The following BDP1 variants were observed in gnomAD, a reference collection of about 807,000 sequenced individuals.
BDP1 encodes BDP1 general transcription factor IIIB subunit.
Under a neutral mutation model 266.6 loss-of-function variants are expected in BDP1, and 169 were observed. The ratio of observed to expected loss-of-function variants is 0.63; its 90% CI spans 0.56 to 0.72. BDP1 has a LOEUF of 0.72. Ranked by LOEUF, BDP1 falls within the 30% of genes least tolerant of loss-of-function variation. The probability of loss-of-function intolerance (pLI) is 0.00; values close to 1 mark genes in which losing one functional copy is unlikely to be tolerated. For missense variants in BDP1, 3,015 were observed against 3,053.8 expected (o/e 0.99, Z 0.30); for synonymous variants, 1,090 against 1,022.4 (o/e 1.07, Z -1.26).
downstream of BDP1, among the ~76,000 whole-genome samples, chr5:71,569,401 A>G (rs1189558701): frequency 6.6e-6 from 1 of 151,988 alleles, no homozygotes; most frequent in African/African-American, 2.4e-5. Flanking sequence ...GCAGTGAGGT[A>G]TGATCGTGCC....
chr5:71,471,739 A>G (rs1407696343), intron 7 of BDP1, among the ~76,000 whole-genome samples: 1 of 152,190 alleles, frequency 6.6e-6, no homozygotes, highest in African/African-American at 2.4e-5. Flanking sequence ...TGCATTCTCA[A>G]TTGATAGTGA....
At chr5:71,464,195 T>C in intron 4 of BDP1, 78 bp downstream of exon 4, 2 of 888,078 alleles carry the variant, frequency 2.3e-6, no homozygotes, top group Non-Finnish European at 1.7e-6. Context: ...CCTGTTATAG[T>C]TGAATTACAT....
intron 26 of BDP1, among the ~76,000 whole-genome samples, chr5:71,536,508 C>T (rs1279727522): frequency 6.6e-6 from 1 of 152,132 alleles, no homozygotes; most frequent in Non-Finnish European, 1.5e-5. Flanking sequence ...GAGCCATGAT[C>T]AAGGAGTGGT....
Position 71,562,195 on chromosome 5 carries a change from CAAAAAAAA to C in BDP1, c.7497-58_7497-51del, listed in dbSNP as rs564127239. 3.6e-3 allele frequency: 1,632 copies of C among 459,062 alleles called. 2 individuals are homozygous for C. The highest frequency in any genetic ancestry group is 0.014 in the Middle Eastern group (15 of 1,082). 28.4% of individuals were successfully genotyped at this position (459,062 alleles called of 1,614,324 possible). A position where few individuals can be genotyped will look rare whatever the true frequency, so the allele number is the denominator to read the frequency against. ...CCTGGGTGAGAGTGAGACTGCGTCT[CAAAAAAAA>C]AAAAAAAAAAAAAAAAAAAAGAATG... On this transcript the variant is annotated intron_variant, in intron 37 of 38. Transcript: ENST00000358731.
In BDP1 at chr5:71,562,507, G is replaced by C. The variant is rs775377656; in HGVS notation, c.7730G>C (p.Ser2577Thr). Reference protein sequence around the residue: ...VITTQSENISSSATQVSCDQP... With the variant: ...VITTQSENISTSATQVSCDQP... ...ACTACTCAATCTGAGAATATTAGCA[G>C]CTCAGCAACTCAGGTATGTGATAAC... The change falls in exon 38 of 39, where the codon AGC (serine) becomes ACC (threonine). Residue 2577 changes from serine to threonine, a missense_variant. By Grantham distance (58) the Ser-to-Thr change is moderately conservative (BLOSUM62 1). Transcript: ENST00000358731. 6.2e-7 allele frequency: 1 copy of C among 1,613,580 alleles called. No individual in the cohort carries two copies. The highest frequency in any genetic ancestry group is 2.2e-5 in the East Asian group (1 of 44,852).
Position 71,501,658 on chromosome 5 carries a change from G to A in BDP1, c.2048+5G>A. ...AGAAGCTGAAACTGTATCTGTGTGA[G>A]TATTCAGGAAGTAGTAAAAAAAAAA... On this transcript the variant is annotated splice_donor_5th_base_variant and intron_variant, in intron 14 of 38. Coordinates refer to ENST00000358731, the MANE Select transcript of BDP1 (RefSeq NM_018429.3). The A allele has an allele frequency of 4.4e-6, 4 of 919,294 alleles. No individual in the cohort carries two copies. Among genetic ancestry groups the A allele is most frequent in the Non-Finnish European group, 6.7e-6 (4 of 596,726 alleles). The allele number at this position is 919,294 out of a possible 1,614,324, so 56.9% of individuals were successfully genotyped here.
At chr5:71,479,785 A>G (rs912144360) in intron 7 of BDP1, among the ~76,000 whole-genome samples, 5 of 152,058 alleles carry the variant, frequency 3.3e-5, no homozygotes, top group Non-Finnish European at 7.4e-5. Context: ...TGACCTCGTG[A>G]TCTGCCTGCC....
intron 2 of BDP1, among the ~76,000 whole-genome samples, chr5:71,460,316 G>C (rs867933971): frequency 1.3e-5 from 2 of 152,224 alleles, no homozygotes; most frequent in Non-Finnish European, 2.9e-5. Context: ...GGAGGCAGAG[G>C]TTGCGGTGAG....
At chr5:71,467,331 A>C in intron 5 of BDP1, 23 bp from the exon 6 acceptor site, 2 of 1,557,962 alleles carry the variant, frequency 1.3e-6, no homozygotes, top group Non-Finnish European at 1.8e-6. Context: ...GTATACATCT[A>C]TTTAAAAATG....
At chr5:71,506,104 G>A (rs1296465495) in intron 16 of BDP1, among the ~76,000 whole-genome samples, 1 of 152,138 alleles carries the variant, frequency 6.6e-6, no homozygotes, top group Non-Finnish European at 1.5e-5. Context: ...ATTACAGTTA[G>A]CTAACAAATT....
intron 25 of BDP1, among the ~76,000 whole-genome samples, chr5:71,530,782 A>T (rs1698470018): frequency 6.6e-6 from 1 of 152,222 alleles, no homozygotes; most frequent in Non-Finnish European, 1.5e-5. Flanking sequence ...AAATGTAATT[A>T]TAACAAATAT....
intron 15 of BDP1, among the ~76,000 whole-genome samples, chr5:71,504,146 G>A (rs983368765): frequency 2.0e-5 from 3 of 150,984 alleles, no homozygotes; most frequent in African/African-American, 2.4e-5. Flanking sequence ...GGTGGTGGAC[G>A]CCTGTAGTCC....
intron 19 of BDP1, 57 bp downstream of exon 19, chr5:71,513,464 T>C: frequency 1.9e-6 from 2 of 1,032,408 alleles, no homozygotes; most frequent in South Asian, 1.7e-5. Context: ...TTTTAAGTTA[T>C]TAGGACTACT....
In BDP1 at chr5:71,514,965, T is replaced by A. The variant is rs746905723; in HGVS notation, c.4492T>A (p.Ser1498Thr). 1.2e-6 allele frequency: 2 copies of A among 1,606,574 alleles called. No individual in the cohort carries two copies. Among genetic ancestry groups the A allele is most frequent in the African/African-American group, 1.3e-5 (1 of 74,422 alleles). ...SQHDEASLMI[S>T]REKDTLGHRN... is the part of the protein sequence containing the mutation. The stretch of plus-strand genomic sequence containing the variant: ...CTAGGATGAAGCTTCCCTAATGATA[T>A]CAAGAGAAAAAGACACATTAGGTCA... The change falls in exon 20 of 39, where the codon TCA becomes ACA. Residue 1498 changes from serine (S) to threonine (T), a missense_variant. By Grantham distance (58) the Ser-to-Thr change is moderately conservative. Around this residue, in one of 3 missense-constraint regions of BDP1, gnomAD observed 2,383 missense variants for 2,404.9 expected, o/e 0.99. Coordinates refer to ENST00000358731, the MANE Select transcript of BDP1 (RefSeq NM_018429.3).
chr5:71,564,682 A>G, intron 38 of BDP1, 72 bp from the exon 39 acceptor site: 1 of 1,318,400 alleles, frequency 7.6e-7, no homozygotes, highest in Non-Finnish European at 1.1e-6. Flanking sequence ...AGACTGCTAT[A>G]TATACACACA....
At chr5:71,473,055 C>T (rs910627142) in intron 7 of BDP1, among the ~76,000 whole-genome samples, 2 of 150,300 alleles carry the variant, frequency 1.3e-5, no homozygotes, top group African/African-American at 4.9e-5. Context: ...GCTAATTTTT[C>T]GTATTTTTTT....
intron 14 of BDP1, 55 bp from the exon 15 acceptor site, chr5:71,502,544 G>C: frequency 7.1e-7 from 1 of 1,401,758 alleles, no homozygotes; most frequent in Non-Finnish European, 9.7e-7. Flanking sequence ...ATGCCAGGGA[G>C]AAGGAAATTG....
Position 71,455,668 on chromosome 5 carries a change from A to C in BDP1, c.-210A>C. ...GCTGGGAGGAGGGTGAAATTTAGCCATCGGTGTGTGGCAGGGTCATGAAAA... is the reference window on the plus strand; with the variant it reads ...GCTGGGAGGAGGGTGAAATTTAGCCCTCGGTGTGTGGCAGGGTCATGAAAA... On this transcript the variant is annotated 5_prime_UTR_variant, in exon 1 of 39. Transcript: ENST00000358731. 1.7e-6 allele frequency: 1 copy of C among 586,824 alleles called. No individual in the cohort carries two copies. The highest frequency in any genetic ancestry group is 2.0e-5 in the South Asian group (1 of 49,186). The allele number at this position is 586,824 out of a possible 1,614,324, so 36.4% of individuals were successfully genotyped here.
chr5:71,475,296 G>A (rs950281498), intron 7 of BDP1, among the ~76,000 whole-genome samples: 3 of 151,972 alleles, frequency 2.0e-5, no homozygotes, highest in Non-Finnish European at 2.9e-5. Flanking sequence ...TTTTTGTAGA[G>A]ACTAAGTCTC....
Sources: gnomAD v4.1 joint callset for allele counts (sites outside exome capture counted in the v4.1 genomes callset) on GRCh38, gnomAD v4.1.1 for gene constraint, gnomAD v4.1.1 regional missense constraint, MANE v1.5 for transcripts, NCBI Gene and HGNC (gene_info 2026-07-23, HGNC 2026-07-21) for gene names.